The following ELP2 variants were observed in gnomAD, a reference collection of about 807,000 sequenced individuals.
ELP2 encodes elongator complex protein 2.
A neutral mutation model predicts 119.2 loss-of-function variants in ELP2; 90 were observed. The ratio of observed to expected loss-of-function variants is 0.75; its 90% CI spans 0.64 to 0.90. The LOEUF is 0.90. Among genes scored for constraint, ELP2 ranks in the 40% least tolerant of loss-of-function variants. The probability of loss-of-function intolerance (pLI) is 0.00; values close to 1 mark genes in which losing one functional copy is unlikely to be tolerated. For missense variants in ELP2, 921 were observed against 967.8 expected (o/e 0.95, Z 0.64); for synonymous variants, 339 against 331.0 (o/e 1.02, Z -0.26).
chr18:36,166,326 T>TTTTG (rs2090900603), intron 18 of ELP2, among the ~76,000 whole-genome samples: 3 of 89,114 alleles, frequency 3.4e-5, no homozygotes, highest in South Asian at 3.9e-4. Flanking sequence ...AGGGTTTTTT[T>TTTTG]TTTTTTTTTT....
intron 11 of ELP2, among the ~76,000 whole-genome samples, chr18:36,148,818 G>T (rs979472182): frequency 2.0e-5 from 3 of 152,198 alleles, no homozygotes; most frequent in Admixed American, 6.5e-5. Flanking sequence ...TGAGGCTGCA[G>T]TGAGCCATGG....
intron 5 of ELP2, chr18:36,139,499 G>GT (rs1160239695): frequency 6.5e-7 from 1 of 1,535,584 alleles, no homozygotes; most frequent in Non-Finnish European, 8.7e-7. Flanking sequence ...CAGGAGCTGC[G>GT]ACTCTATGGT....
At chr18:36,133,151 C>T (rs1473231959) in intron 1 of ELP2, 87 bp from the exon 2 acceptor site, 18 of 928,126 alleles carry the variant, frequency 1.9e-5, no homozygotes, top group East Asian at 1.6e-4. Context: ...TTACTAGCAT[C>T]GAAAACACTG....
chr18:36,169,304 C>T (rs1013475764), intron 19 of ELP2, among the ~76,000 whole-genome samples: 20 of 151,848 alleles, frequency 1.3e-4, no homozygotes, highest in African/African-American at 4.1e-4. Flanking sequence ...TGAGGGGTAT[C>T]ATCTAGGTCA....
chr18:36,180,152 A>G lies in ELP2; in HGVS notation c.*5511A>G, dbSNP rs957569377. On this transcript the variant is annotated 3_prime_UTR_variant, in exon 22 of 22. Transcript: ENST00000358232. ...CCTTAGTATGAGGCTTTCACCTTCC[A>G]GGATGGCTGCTTGGCCTCCTGCCAT... 1.3e-5 allele frequency: 2 copies of G among 152,230 alleles called. No homozygotes were observed. The highest frequency in any genetic ancestry group is 1.9e-4 in the East Asian group (1 of 5,196). The allele number at this position is 152,230 out of a possible 1,614,324, so 9.4% of individuals were successfully genotyped here.
chr18:36,160,261 CAA>C (rs1294822778), intron 16 of ELP2, among the ~76,000 whole-genome samples: 15 of 151,924 alleles, frequency 9.9e-5, no homozygotes, highest in Admixed American at 9.8e-4. Flanking sequence ...AGAAGCATAA[CAA>C]TATATATTTT....
Position 36,138,422 on chromosome 18 carries a change from A to G in ELP2, c.441A>G (p.Pro147=), listed in dbSNP as rs769471732. The G allele has an allele frequency of 1.2e-6, 2 of 1,614,004 alleles. No homozygotes were observed. Among genetic ancestry groups the G allele is most frequent in the African/African-American group, 1.3e-5 (1 of 74,944 alleles). ...TTCGACTCTGGTCTAAAAAGGGTCC[A>G]GAAGGTAGGTTTGGAGACATGATAA... ...SAVRLWSKKG[P]EVMCLQTLNF... is the part of the protein sequence containing the mutation. The change falls in exon 4 of 22, where the codon CCA becomes CCG. Residue 147 remains proline, a synonymous_variant. Coordinates refer to ENST00000358232, the MANE Select transcript of ELP2 (RefSeq NM_018255.4).
intron 6 of ELP2, 125 bp downstream of exon 6, chr18:36,141,326 CT>C: frequency 5.0e-6 from 4 of 800,236 alleles, no homozygotes; most frequent in Non-Finnish European, 8.4e-6. Flanking sequence ...CCAATAGAAT[CT>C]TTTTTTGACA....
chr18:36,172,096 C>G (rs1256698910), intron 21 of ELP2, among the ~76,000 whole-genome samples: 2 of 147,770 alleles, frequency 1.4e-5, no homozygotes, highest in East Asian at 4.1e-4. Flanking sequence ...GACCCCTGGT[C>G]TCTACCAAAA....
At chr18:36,160,078 C>T in intron 16 of ELP2, 63 bp downstream of exon 16, 1 of 1,499,380 alleles carries the variant, frequency 6.7e-7, no homozygotes, top group African/African-American at 1.4e-5. Flanking sequence ...TTTTCCTCCC[C>T]ACCCCACAAT....
At position 36,171,114 on chromosome 18, in the gene ELP2, G is replaced by A; in HGVS notation, c.2278G>A (p.Val760Ile). The A allele has an allele frequency of 6.2e-7, 1 of 1,614,088 alleles. No individual in the cohort carries two copies. The highest frequency in any genetic ancestry group is 8.5e-7 in the Non-Finnish European group (1 of 1,179,936). Residue 760 changes from valine to isoleucine, a missense_variant, in exon 21 of 22, where the codon GTT becomes ATT. Transcript: ENST00000358232. ...ATATACCTGGAAAAAGACTGATCAA[G>A]TTCCAGAAATAAATGACTGGACCCA... The part of the protein sequence containing the change: ...CLYTWKKTDQ[V>I]PEINDWTHCV...
At chr18:36,171,022 T>C (rs377312452) in intron 20 of ELP2, 25 bp from the exon 21 acceptor site, 1 of 1,470,774 alleles carries the variant, frequency 6.8e-7, no homozygotes, top group Non-Finnish European at 9.5e-7. Context: ...AGTTAATCAC[T>C]GTTGTCCCCC....
chr18:36,159,727 C>G lies in ELP2; in HGVS notation c.1535-8C>G, dbSNP rs368041199. ...TGACTATATTCTTGATGTGTTTCTT[C>G]AAACTAGGAGATATAGCTTCTCAGC... is the stretch of plus-strand genomic sequence containing the variant. On this transcript the variant is annotated splice_polypyrimidine_tract_variant and splice_region_variant and intron_variant, in intron 14 of 21. Transcript: ENST00000358232. The G allele has an allele frequency of 1.2e-6, 2 of 1,605,002 alleles. No homozygotes were observed. The highest frequency in any genetic ancestry group is 1.7e-6 in the Non-Finnish European group (2 of 1,172,106).
intron 11 of ELP2, among the ~76,000 whole-genome samples, chr18:36,149,445 A>G (rs1290115086): frequency 6.6e-6 from 1 of 150,394 alleles, no homozygotes; most frequent in Admixed American, 6.6e-5. Flanking sequence ...GAATTTTGAT[A>G]CAAGACTTAG....
At chr18:36,151,425 C>T (rs769869310) in intron 11 of ELP2, among the ~76,000 whole-genome samples, 1 of 152,136 alleles carries the variant, frequency 6.6e-6, no homozygotes, top group Non-Finnish European at 1.5e-5. Context: ...GGGAGAAGTG[C>T]AGTAAACTGG....
At chr18:36,165,075 C>T (rs2090855476) in intron 18 of ELP2, 1 of 208,452 alleles carries the variant, frequency 4.8e-6, no homozygotes, top group South Asian at 7.6e-5. Context: ...TGAGTGGTTT[C>T]TTCTCTCTGA....
intron 21 of ELP2, 67 bp downstream of exon 21, chr18:36,171,227 T>G (rs1403720227): frequency 9.5e-7 from 1 of 1,057,736 alleles, no homozygotes; most frequent in Non-Finnish European, 1.5e-6. Flanking sequence ...ATGGCAAATT[T>G]TATGCCACAT....
chr18:36,136,129 G>GGT lies in ELP2; in HGVS notation c.218-169_218-168dup, dbSNP rs1256252814. Among the ~76,000 whole-genome samples, 838 of 152,064 alleles carry GGT rather than the reference G, an allele frequency of 5.5e-3. 33 individuals are homozygous for GGT. The highest frequency in any genetic ancestry group is 0.051 in the Admixed American group (785 of 15,282). On this transcript the variant is annotated intron_variant, in intron 2 of 21. Transcript: ENST00000358232. ...TTTTTAAGTAGTTTGCCTCCTAAAA[G>GGT]GTGTGTGTGTATGTATATAGAGGAA...
rs572876959 is a variant in ELP2, at chr18:36,145,262, C to T, written c.892+228C>T. ...TGTAATTCCTGCCATGATGCTGAAA[C>T]TACCACACCCCCAGTAACTTTTTAT... On this transcript the variant is annotated intron_variant, in intron 9 of 21. Coordinates refer to ENST00000358232, the MANE Select transcript of ELP2 (RefSeq NM_018255.4). 630 of 497,810 alleles carry T rather than the reference C, an allele frequency of 1.3e-3. 6 individuals carry two copies. The South Asian group carries it at 0.013, about 10-fold the overall frequency. The allele number at this position is 497,810 out of a possible 1,614,324, so 30.8% of individuals were successfully genotyped here. A position where few individuals can be genotyped will look rare whatever the true frequency, so the allele number is the denominator to read the frequency against.
Sources: gnomAD v4.1 joint callset for allele counts (sites outside exome capture counted in the v4.1 genomes callset) on GRCh38, gnomAD v4.1.1 for gene constraint, MANE v1.5 for transcripts, NCBI Gene and HGNC (gene_info 2026-07-23, HGNC 2026-07-21) for gene names.